Variants in MAFF observed in about 807,000 individuals in gnomAD.
MAFF encodes transcription factor MafF.
In MAFF, 4 loss-of-function variants were observed where a neutral mutation model predicts 2.7. The ratio of observed to expected loss-of-function variants is 1.48; its 90% CI spans 0.73 to 3.39. The LOEUF is 3.39. Among genes scored for constraint, MAFF ranks in the 30% most tolerant of loss-of-function variants. The probability of loss-of-function intolerance (pLI) is 0.01; values close to 1 mark genes in which losing one functional copy is unlikely to be tolerated. For missense variants in MAFF, 190 were observed against 246.6 expected, an observed-to-expected ratio of 0.77 and a Z score of 1.54; for synonymous variants, 113 against 119.4, an observed-to-expected ratio of 0.95 and a Z score of 0.35.
chr22:38,213,176 C>CAAAAAAAA (rs57782814), intron 1 of MAFF, among the ~76,000 whole-genome samples: 47 of 114,064 alleles, frequency 4.1e-4, no homozygotes, highest in East Asian at 1.9e-3. Flanking sequence ...GACTCTGTCT[C>CAAAAAAAA]AAAAAAAAAA....
At chr22:38,208,804 G>A (rs758442783) in intron 1 of MAFF, among the ~76,000 whole-genome samples, 2 of 152,190 alleles carry the variant, frequency 1.3e-5, no homozygotes, top group Non-Finnish European at 2.9e-5. Flanking sequence ...GCCGAAGGAT[G>A]AGTAGGAGTC....
intron 1 of MAFF, among the ~76,000 whole-genome samples, chr22:38,208,812 G>A: frequency 6.6e-6 from 1 of 152,170 alleles, no homozygotes; most frequent in Non-Finnish European, 1.5e-5. Flanking sequence ...ATGAGTAGGA[G>A]TCTGCCAAAC....
intron 1 of MAFF, among the ~76,000 whole-genome samples, chr22:38,212,946 G>A (rs1024748461): frequency 1.3e-5 from 2 of 152,072 alleles, no homozygotes; most frequent in African/African-American, 4.8e-5. Context: ...TGGATCACCT[G>A]AGGTCAGTAG....
intron 1 of MAFF, chr22:38,203,761 G>A (rs535455867): frequency 2.0e-5 from 3 of 152,344 alleles, no homozygotes; most frequent in South Asian, 2.1e-4. Flanking sequence ...ACAGCAGCCC[G>A]GACCCTCAGT....
At position 38,214,779 on chromosome 22, in the gene MAFF, G is replaced by A. The variant is rs1430636655; in HGVS notation, c.396G>A (p.Ala132=). 11 of 1,450,672 alleles carry A rather than the reference G, an allele frequency of 7.6e-6. No homozygotes were observed. Among genetic ancestry groups the A allele is most frequent in the Non-Finnish European group, 9.0e-6 (10 of 1,107,634 alleles). 89.9% of individuals were successfully genotyped at this position (1,450,672 alleles called of 1,614,324 possible). A position where few individuals can be genotyped will look rare whatever the true frequency, so the allele number is the denominator to read the frequency against. Residue 132 remains alanine, a synonymous_variant, in exon 3 of 3, where the codon GCG becomes GCA. Coordinates refer to ENST00000338483, the MANE Select transcript of MAFF (RefSeq NM_012323.4). This position sits in a 1 kb window ranked among gnomAD's most constrained non-coding sequence, Gnocchi z 6.3. ...AAARGPATLV[A]PASVITIVKS... The stretch of plus-strand genomic sequence containing the variant: ...CCCGCGGGCCCGCCACGCTCGTGGC[G>A]CCGGCCAGCGTCATCACCATCGTCA...
At position 38,216,013 on chromosome 22, in the gene MAFF, CTTTATAT is replaced by C. The variant is rs1324993520; in HGVS notation, c.*1143_*1149del. 1.2e-5 allele frequency: 2 copies of C among 167,104 alleles called. No individual in the cohort carries two copies. Among genetic ancestry groups the C allele is most frequent in the African/African-American group, 4.8e-5 (2 of 41,454 alleles). The allele number at this position is 167,104 out of a possible 1,614,324, so 10.4% of individuals were successfully genotyped here. ...AAGTGGCGTATGGCCCTGAGCTGGG[CTTTATAT>C]TTTATATCTGCAAATAAATCACATT... On this transcript the variant is annotated 3_prime_UTR_variant, in exon 3 of 3. Transcript: ENST00000338483.
chr22:38,209,523 C>T (rs1218680385), intron 1 of MAFF, among the ~76,000 whole-genome samples: 3 of 151,982 alleles, frequency 2.0e-5, no homozygotes, highest in African/African-American at 7.3e-5. Context: ...CTTAAGAGGC[C>T]TGCATTGGGT....
rs377100816 is a variant in MAFF, at chr22:38,210,081, T to TG, written c.-31-3736dup. On this transcript the variant is annotated intron_variant, in intron 1 of 2. Coordinates refer to ENST00000338483, the MANE Select transcript of MAFF (RefSeq NM_012323.4). The stretch of plus-strand genomic sequence containing the variant: ...CAGGCTAAGCCGGCATGTTCAGCAG[T>TG]GGGGGGTCGCAGCTCAGGGGTCACC... 3.8e-3 allele frequency among the ~76,000 whole-genome samples: 574 copies of TG among 152,074 alleles called. 1 individual carries two copies. Among genetic ancestry groups the TG allele is most frequent in the Non-Finnish European group, 6.3e-3 (425 of 67,976 alleles).
intron 1 of MAFF, among the ~76,000 whole-genome samples, chr22:38,212,001 A>T (rs1215259007): frequency 2.6e-5 from 4 of 151,696 alleles, no homozygotes; most frequent in Admixed American, 6.6e-5. Context: ...TTATTTATTT[A>T]TTTTTTTTGA....
chr22:38,209,097 ACT>A (rs538904337), intron 1 of MAFF, among the ~76,000 whole-genome samples: 123 of 150,656 alleles, frequency 8.2e-4, no homozygotes, highest in African/African-American at 2.3e-3. Flanking sequence ...ATGGAGTATC[ACT>A]CTGTCGCCCA....
Position 38,216,241 on chromosome 22 carries a change from GGCTCAT to G in MAFF, c.*1366_*1371del. 6.5e-6 allele frequency: 1 copy of G among 154,202 alleles called. No homozygotes were observed. The highest frequency in any genetic ancestry group is 2.1e-4 in the South Asian group (1 of 4,830). 9.6% of individuals were successfully genotyped at this position (154,202 alleles called of 1,614,324 possible). A position where few individuals can be genotyped will look rare whatever the true frequency, so the allele number is the denominator to read the frequency against. On this transcript the variant is annotated 3_prime_UTR_variant, in exon 3 of 3. Coordinates refer to ENST00000338483, the MANE Select transcript of MAFF (RefSeq NM_012323.4). The stretch of plus-strand genomic sequence containing the variant: ...AATACAAAAATTAGCCATGCATGGT[GGCTCAT>G]GCCTGTAGTCCCAGCTACTTGGGAG...
In MAFF at chr22:38,214,959, C is replaced by A; in HGVS notation, c.*81C>A. 1 of 1,068,782 alleles carries A rather than the reference C, an allele frequency of 9.4e-7. No individual in the cohort carries two copies. Among genetic ancestry groups the A allele is most frequent in the Non-Finnish European group, 1.4e-6 (1 of 722,588 alleles). 66.2% of individuals were successfully genotyped at this position (1,068,782 alleles called of 1,614,324 possible). A position where few individuals can be genotyped will look rare whatever the true frequency, so the allele number is the denominator to read the frequency against. On this transcript the variant is annotated 3_prime_UTR_variant, in exon 3 of 3. Transcript: ENST00000338483. This position sits in a 1 kb window ranked among gnomAD's most constrained non-coding sequence, Gnocchi z 6.3. ...AGTGCCTGAGCGCCGCCTCTGTGCC[C>A]AGGTCCCATTTCTCTGCAGCACTGG...
chr22:38,211,233 T>C (rs910307907), intron 1 of MAFF, among the ~76,000 whole-genome samples: 1 of 52,168 alleles, frequency 1.9e-5, no homozygotes, highest in African/African-American at 3.9e-5. Flanking sequence ...GCACTTTCTT[T>C]TTTTTTTTTT....
intron 1 of MAFF, among the ~76,000 whole-genome samples, chr22:38,211,724 C>T (rs1339000828): frequency 1.3e-5 from 2 of 152,182 alleles, no homozygotes; most frequent in African/African-American, 2.4e-5. Flanking sequence ...AGACCACCCC[C>T]AAAAGGCCCC....
intron 1 of MAFF, chr22:38,203,485 G>T (rs574463065): frequency 6.6e-6 from 1 of 152,238 alleles, no homozygotes; most frequent in African/African-American, 2.4e-5. Flanking sequence ...AACTCTGACT[G>T]CACGGAGGGT....
intron 1 of MAFF, among the ~76,000 whole-genome samples, chr22:38,211,929 T>C (rs2091104443): frequency 6.6e-6 from 1 of 152,220 alleles, no homozygotes; most frequent in Admixed American, 6.5e-5. Flanking sequence ...CTCTTTCCGA[T>C]ACGGTACGTG....
Position 38,210,081 on chromosome 22 carries a change from TG to T in MAFF, c.-31-3736del, listed in dbSNP as rs377100816. On this transcript the variant is annotated intron_variant, in intron 1 of 2. Transcript: ENST00000338483. ...CAGGCTAAGCCGGCATGTTCAGCAG[TG>T]GGGGGTCGCAGCTCAGGGGTCACCC... 6.7e-3 allele frequency among the ~76,000 whole-genome samples: 1,013 copies of T among 152,072 alleles called. 12 individuals are homozygous for T. Among genetic ancestry groups the T allele is most frequent in the African/African-American group, 0.024 (975 of 41,470 alleles).
chr22:38,202,868 CG>C lies in MAFF; in HGVS notation c.-32+659del, dbSNP rs996866748. 9 of 152,298 alleles carry C rather than the reference CG, an allele frequency of 5.9e-5. No individual in the cohort carries two copies. Among genetic ancestry groups the C allele is most frequent in the African/African-American group, 1.9e-4 (8 of 41,566 alleles). The allele number at this position is 152,298 out of a possible 1,614,324, so 9.4% of individuals were successfully genotyped here. On this transcript the variant is annotated intron_variant, in intron 1 of 2. Coordinates refer to ENST00000338483, the MANE Select transcript of MAFF (RefSeq NM_012323.4). The surrounding 1 kb of genome is among the most constrained non-coding windows in gnomAD (Gnocchi z 7.4). ...CGCACGGGGTCTGGGAATTCTGGCC[CG>C]GGCCGCCCCAGTCCTACTACCCGGG...
intron 1 of MAFF, among the ~76,000 whole-genome samples, chr22:38,213,110 G>T (rs1052391663): frequency 1.3e-5 from 2 of 149,878 alleles, no homozygotes; most frequent in Non-Finnish European, 2.9e-5. Flanking sequence ...ACGGGAGGCG[G>T]AGGTTGCAGT....
Sources: allele counts gnomAD v4.1 joint callset (sites outside exome capture counted in the v4.1 genomes callset), GRCh38; gene constraint gnomAD v4.1.1; non-coding constraint Gnocchi (gnomAD v3.1); transcripts MANE v1.5; gene names NCBI Gene and HGNC (gene_info 2026-07-23, HGNC 2026-07-21).